The following NOVA2 variants were observed in gnomAD, a reference collection of about 807,000 sequenced individuals.
NOVA2 encodes the protein RNA-binding protein Nova-2.
A neutral mutation model predicts 22.5 loss-of-function variants in NOVA2; 9 were observed. That is an observed-to-expected ratio of 0.40 (90% CI 0.24 to 0.70). The LOEUF (loss-of-function observed/expected upper bound fraction) is 0.70, where lower values mean the gene tolerates loss of function less well. NOVA2 is among the 30% of genes least tolerant of loss of function. The pLI is 0.38. For missense variants in NOVA2, 383 were observed against 682.8 expected (o/e 0.56, Z 4.89); for synonymous variants, 318 against 335.2 (o/e 0.95, Z 0.56).
chr19:45,960,661 C>A (rs1968081217), intron 2 of NOVA2, among the ~76,000 whole-genome samples: 2 of 152,118 alleles, frequency 1.3e-5, no homozygotes, highest in East Asian at 3.9e-4. Flanking sequence ...GGCTGGCTGG[C>A]CCCCAAGCCC....
intron 1 of NOVA2, 33 bp downstream of exon 1, chr19:45,973,234 G>C (rs1192117927): frequency 3.7e-6 from 5 of 1,364,150 alleles, no homozygotes; most frequent in Admixed American, 2.5e-5. Flanking sequence ...CCCCCTGCCC[G>C]CTCCCCCGCC....
At chr19:45,950,640 C>A (rs1967910336) in intron 3 of NOVA2, among the ~76,000 whole-genome samples, 1 of 152,160 alleles carries the variant, frequency 6.6e-6, no homozygotes, top group Admixed American at 6.6e-5. Flanking sequence ...ACAGTAGAAT[C>A]TTAGATAATA....
chr19:45,940,346 G>T lies in NOVA2; in HGVS notation c.996C>A (p.Gly332=). The change falls in exon 4 of 4, where the codon GGC becomes GGA. Residue 332 remains glycine (G), a synonymous_variant. Coordinates refer to ENST00000263257, the MANE Select transcript of NOVA2 (RefSeq NM_002516.4). ...CTCCGGCTGGCCCGGCCCCGGCCTC[G>T]CCCGCGTAGGATGCCAGGAGGTTGG... ...AAANLLASYA[G]EAGAGPAGGA... The T allele has an allele frequency of 2.3e-6, 3 of 1,297,126 alleles. No individual in the cohort carries two copies. In the South Asian group the frequency reaches 5.7e-5, roughly 25 times the overall value. The allele number at this position is 1,297,126 out of a possible 1,614,324, so 80.4% of individuals were successfully genotyped here.
intron 1 of NOVA2, among the ~76,000 whole-genome samples, chr19:45,968,122 G>A (rs1020069691): frequency 6.6e-6 from 1 of 152,162 alleles, no homozygotes; most frequent in Non-Finnish European, 1.5e-5. Flanking sequence ...CTGAAGGGGT[G>A]TGGGTTGTTG....
intron 1 of NOVA2, among the ~76,000 whole-genome samples, chr19:45,970,623 G>A (rs890519798): frequency 2.6e-5 from 4 of 151,966 alleles, no homozygotes; most frequent in Admixed American, 6.6e-5. Context: ...TGATCCACCC[G>A]CCTCAGCCTA....
At position 45,961,053 on chromosome 19, in the gene NOVA2, G is replaced by T. The variant is rs752967154; in HGVS notation, c.186C>A (p.Thr62=). The change falls in exon 2 of 4, where the codon ACC becomes ACA. Residue 62 remains threonine (T), a synonymous_variant. Transcript: ENST00000263257. The part of the protein sequence containing the change: ...GQTIVQLQKE[T]GATIKLSKSK... ...ACTTGGAGAGCTTGATGGTGGCTCC[G>T]GTCTCCTTCTGCAGCTGCACGATGG... 1.9e-6 allele frequency: 3 copies of T among 1,578,608 alleles called. No homozygotes were observed. The highest frequency in any genetic ancestry group is 2.7e-5 in the African/African-American group (2 of 74,304).
chr19:45,951,843 C>T (rs997688633), intron 3 of NOVA2, among the ~76,000 whole-genome samples: 3 of 151,892 alleles, frequency 2.0e-5, no homozygotes, highest in Non-Finnish European at 4.4e-5. Context: ...ATTTTAAAGT[C>T]AGTTGATCTA....
In NOVA2 at chr19:45,936,675, C is replaced by T. The variant is rs1392896805; in HGVS notation, c.*3188G>A. ...ACAGGACAGAAAACAATGGGAACCA[C>T]ACGGAGGAAAAAAAAATAGAAAGTC... On this transcript the variant is annotated 3_prime_UTR_variant, in exon 4 of 4. Transcript: ENST00000263257. 1.3e-5 allele frequency: 2 copies of T among 150,044 alleles called. No individual in the cohort carries two copies. The highest frequency in any genetic ancestry group is 4.9e-5 in the African/African-American group (2 of 40,640). 9.3% of individuals were successfully genotyped at this position (150,044 alleles called of 1,614,324 possible).
rs868254334 is a variant in NOVA2, at chr19:45,967,161, T to C, written c.86-6008A>G. ...CACCTGTAGAGACTCAGCACTTGAA[T>C]TCCCAGGAGTCCCCGTTGTGAGCAT... On this transcript the variant is annotated intron_variant, in intron 1 of 3. Transcript: ENST00000263257. Among the ~76,000 whole-genome samples the C allele has an allele frequency of 2.6e-5, 4 of 152,190 alleles. No individual in the cohort carries two copies. The Middle Eastern group carries it at 0.01, about 388-fold the overall frequency.
intron 1 of NOVA2, among the ~76,000 whole-genome samples, chr19:45,964,179 C>CTTTTTTTTTTTTTTTTTTTT (rs10555207): frequency 5.6e-5 from 6 of 106,952 alleles, no homozygotes; most frequent in Non-Finnish European, 8.0e-5. Context: ...TTTTCTTTTT[C>CTTTTTTTTTTTTTTTTTTTT]TTTTTTTTTT....
intron 2 of NOVA2, among the ~76,000 whole-genome samples, chr19:45,959,466 G>A (rs867527732): frequency 1.3e-5 from 2 of 152,142 alleles, no homozygotes; most frequent in African/African-American, 4.8e-5. Flanking sequence ...GGGAGGGGAC[G>A]ACATGTCTCG....
intron 2 of NOVA2, among the ~76,000 whole-genome samples, chr19:45,959,689 G>A (rs1045500846): frequency 8.0e-5 from 12 of 150,828 alleles, no homozygotes; most frequent in African/African-American, 2.9e-4. Context: ...GGGCGGGGTG[G>A]ATGGTGGAGA....
chr19:45,955,151 GAATA>G (rs1207373341), intron 2 of NOVA2, among the ~76,000 whole-genome samples: 1 of 152,206 alleles, frequency 6.6e-6, no homozygotes, highest in East Asian at 1.9e-4. Flanking sequence ...GCTACACAAT[GAATA>G]TATACCACTT....
At chr19:45,950,164 C>CTTTT (rs61551112) in intron 3 of NOVA2, among the ~76,000 whole-genome samples, 1 of 132,690 alleles carries the variant, frequency 7.5e-6, no homozygotes, top group Non-Finnish European at 1.7e-5. Flanking sequence ...TGGAAACATT[C>CTTTT]TTTTTTTTTT....
chr19:45,972,854 G>A (rs1968250809), intron 1 of NOVA2, among the ~76,000 whole-genome samples: 2 of 152,058 alleles, frequency 1.3e-5, no homozygotes. Context: ...CCCAGGGAGG[G>A]AGGCTGGGAA....
chr19:45,953,631 T>A, intron 3 of NOVA2, 149 bp downstream of exon 3: 1 of 942,562 alleles, frequency 1.1e-6, no homozygotes, highest in Non-Finnish European at 1.6e-6. Flanking sequence ...TCCCTAAAAA[T>A]AATACTAACC....
At chr19:45,958,105 C>G (rs1039262120) in intron 2 of NOVA2, among the ~76,000 whole-genome samples, 5 of 118,882 alleles carry the variant, frequency 4.2e-5, no homozygotes, top group African/African-American at 1.6e-4. Context: ...AGCAAGACTC[C>G]GTCTCAAAAA....
chr19:45,944,554 C>T (rs902452970), intron 3 of NOVA2, among the ~76,000 whole-genome samples: 2 of 152,134 alleles, frequency 1.3e-5, no homozygotes, highest in African/African-American at 2.4e-5. Flanking sequence ...AAAAAAGTCT[C>T]GTGGGATAAA....
At chr19:45,958,579 GTGAA>G (rs1968047859) in intron 2 of NOVA2, among the ~76,000 whole-genome samples, 1 of 151,522 alleles carries the variant, frequency 6.6e-6, no homozygotes, top group African/African-American at 2.4e-5. Context: ...GGGTGTGAGT[GTGAA>G]TGAGTGTGTG....
Sources: allele counts gnomAD v4.1 joint callset (sites outside exome capture counted in the v4.1 genomes callset), GRCh38; gene constraint gnomAD v4.1.1; transcripts MANE v1.5; gene names NCBI Gene and HGNC (gene_info 2026-07-23, HGNC 2026-07-21).